PEX1: variants seen among roughly 807,000 people sequenced by gnomAD.
PEX1 encodes the protein peroxisomal ATPase PEX1.
In PEX1, 97 loss-of-function variants were observed where a neutral mutation model predicts 152.5. The ratio of observed to expected loss-of-function variants is 0.64; its 90% CI spans 0.54 to 0.75. The LOEUF (loss-of-function observed/expected upper bound fraction) is 0.75. PEX1 is among the 30% of genes least tolerant of loss of function. The pLI is 0.00. For synonymous variants in PEX1, 485 were observed against 531.6 expected (o/e 0.91, Z 1.21); for missense variants, 1,357 against 1,516.3 (o/e 0.89, Z 1.74).
At chr7:92,491,537 G>T in intron 20 of PEX1, 35 bp from the exon 21 acceptor site, 1 of 1,282,022 alleles carries the variant, frequency 7.8e-7, no homozygotes, top group Non-Finnish European at 1.1e-6. Context: ...GTTTAAAGAT[G>T]TAAACAATTT....
chr7:92,487,667 A>T (rs1791005713), intron 23 of PEX1, 126 bp from the exon 24 acceptor site: 1 of 478,170 alleles, frequency 2.1e-6, no homozygotes, highest in South Asian at 4.0e-5. Flanking sequence ...TAGAAAAAAA[A>T]ATTCCAGTCA....
intron 5 of PEX1, among the ~76,000 whole-genome samples, 187 bp downstream of exon 5, chr7:92,517,089 A>G (rs957558372): frequency 5.3e-5 from 8 of 152,238 alleles, no homozygotes; most frequent in Non-Finnish European, 1.0e-4. Context: ...ACTTGGCCAG[A>G]AAACATACAA....
chr7:92,517,921 T>C lies in PEX1; in HGVS notation c.594A>G (p.Lys198=), dbSNP rs377754178. 6.3e-7 allele frequency: 1 copy of C among 1,580,174 alleles called. No individual in the cohort carries two copies. The change falls in exon 5 of 24, where the codon AAA becomes AAG. Residue 198 remains lysine, a synonymous_variant. Transcript: ENST00000248633. ...TCTGGTCTCTTCCATAACTATGAAGTTTTTTATATTCAGCATCAGCTTTTG... is the reference window on the plus strand; with the variant it reads ...TCTGGTCTCTTCCATAACTATGAAGCTTTTTATATTCAGCATCAGCTTTTG... The part of the protein sequence containing the change: ...TFSKADAEYK[K]LHSYGRDQKG...
chr7:92,520,264 A>T (rs927217998), intron 2 of PEX1, among the ~76,000 whole-genome samples: 3 of 152,166 alleles, frequency 2.0e-5, no homozygotes, highest in Non-Finnish European at 2.9e-5. Flanking sequence ...CCTGGGTAAA[A>T]TATTCCATCT....
chr7:92,507,244 T>TA, intron 9 of PEX1, 118 bp from the exon 10 acceptor site: 1 of 885,874 alleles, frequency 1.1e-6, no homozygotes, highest in South Asian at 1.7e-5. Flanking sequence ...TAATTTTTTA[T>TA]CTTTTTTTTT....
rs1791549435 is a variant in PEX1 at position 92,494,539 on chromosome 7, G to C, written c.2874C>G (p.Asp958Glu). ...GAGTCAGCAACTGGTTAACTACTCG[G>C]TCTGTAACTCCTGTATTATCATGAC... is the stretch of plus-strand genomic sequence containing the variant. ...RRGHDNTGVT[D>E]RVVNQLLTQL... Residue 958 changes from aspartate to glutamate, a missense_variant, in exon 18 of 24, where the codon GAC (aspartate) becomes GAG (glutamate). Coordinates refer to ENST00000248633, the MANE Select transcript of PEX1 (RefSeq NM_000466.3). 6.2e-7 allele frequency: 1 copy of C among 1,613,772 alleles called. No homozygotes were observed. The highest frequency in any genetic ancestry group is 8.5e-7 in the Non-Finnish European group (1 of 1,179,760).
rs1791172694 is a variant in PEX1 at position 92,489,718 on chromosome 7, C to T, written c.3632G>A (p.Ser1211Asn). 2 of 1,612,788 alleles carry T rather than the reference C, an allele frequency of 1.2e-6. No homozygotes were observed. Among genetic ancestry groups the T allele is most frequent in the African/African-American group, 2.7e-5 (2 of 74,908 alleles). The change falls in exon 22 of 24, where the codon AGT becomes AAT. Residue 1211 changes from serine (S) to asparagine (N), a missense_variant. Ser to Asn is a conservative substitution (Grantham distance 46, BLOSUM62 1). Coordinates refer to ENST00000248633, the MANE Select transcript of PEX1 (RefSeq NM_000466.3). ...ATGAGGGGGAAAAAGCCATACTCCA[C>T]TTTGGCTCCGGTATCTGCCTTTGAT... is the stretch of plus-strand genomic sequence containing the variant. ...SIIKGRYRSQ[S>N]GEDESMNQPG...
rs181796768 is a variant in PEX1, at chr7:92,517,626, T to C, written c.889A>G (p.Ile297Val). 14 of 1,614,048 alleles carry C rather than the reference T, an allele frequency of 8.7e-6. No homozygotes were observed. The African/African-American group carries it at 1.6e-4, about 18-fold the overall frequency. ...ACAGAGGTTGCTGACGCGTTATATA[T>C]ACTAGGAGGTTGAGATTTGCATACT... ...FRVCKSQPPS[I>V]YNASATSVFH... Residue 297 changes from isoleucine (I) to valine (V), a missense_variant, in exon 5 of 24, where the codon ATA becomes GTA. Transcript: ENST00000248633.
At position 92,506,754 on chromosome 7, in the gene PEX1, T is replaced by G. The variant is rs888098072; in HGVS notation, c.1803+240A>C. ...AAAAAAGAAAAACCATATAATTGTA[T>G]CAACTGACACAGAAAAAGGGCATGG... On this transcript the variant is annotated intron_variant, in intron 10 of 23. Transcript: ENST00000248633. The G allele has an allele frequency of 2.4e-4, 132 of 556,066 alleles. 2 individuals carry two copies. Among genetic ancestry groups the G allele is most frequent in the Middle Eastern group, 9.7e-4 (2 of 2,062 alleles). 34.4% of individuals were successfully genotyped at this position (556,066 alleles called of 1,614,324 possible). A position where few individuals can be genotyped will look rare whatever the true frequency, so the allele number is the denominator to read the frequency against.
rs200059929 is a variant in PEX1 at position 92,489,824 on chromosome 7, C to A, written c.3526G>T (p.Val1176Leu). 2.0e-4 allele frequency: 317 copies of A among 1,613,984 alleles called. 3 individuals are homozygous for A. Among genetic ancestry groups the A allele is most frequent in the Non-Finnish European group, 5.8e-5 (69 of 1,179,930 alleles). Residue 1176 changes from valine (V) to leucine (L), a missense_variant, in exon 22 of 24, where the codon GTG becomes TTG. By Grantham distance (32) the Val-to-Leu change is conservative. Coordinates refer to ENST00000248633, the MANE Select transcript of PEX1 (RefSeq NM_000466.3). Reference protein sequence around the residue: ...GKDQLFSQPPVLRTASQEGCQ... With the variant: ...GKDQLFSQPPLLRTASQEGCQ... Reference sequence around the variant, plus strand: ...CCCTCTTGTGAAGCTGTCCTTAACACTGGAGGCTGTGAAAACAACTGGTCT... The same window carrying A: ...CCCTCTTGTGAAGCTGTCCTTAACAATGGAGGCTGTGAAAACAACTGGTCT...
Position 92,513,923 on chromosome 7 carries a change from G to A in PEX1, c.1284C>T (p.Ala428=), listed in dbSNP as rs145153467. 1.3e-5 allele frequency: 20 copies of A among 1,591,002 alleles called. No individual in the cohort carries two copies. The highest frequency in any genetic ancestry group is 1.7e-4 in the Middle Eastern group (1 of 6,036). Residue 428 remains alanine (A), a synonymous_variant, in exon 6 of 24, where the codon GCC becomes GCT. Transcript: ENST00000248633. The stretch of plus-strand genomic sequence containing the variant: ...CTTCCACTGGAGTTATCCTGACTAC[G>A]GCATGCATTTCTATATTTAGTCTCT... ...LRKRLNIEMH[A]VVRITPVEVT...
In PEX1 at chr7:92,517,067, C is replaced by G. The variant is rs561500409; in HGVS notation, c.1239+209G>C. Among the ~76,000 whole-genome samples, 22 of 152,330 alleles carry G rather than the reference C, an allele frequency of 1.4e-4. No homozygotes were observed. The South Asian group carries it at 2.3e-3, about 16-fold the overall frequency. On this transcript the variant is annotated intron_variant, in intron 5 of 23. Coordinates refer to ENST00000248633, the MANE Select transcript of PEX1 (RefSeq NM_000466.3). ...GGCCTGAACCTATCTAAGCTTGTACCTATTCAAGCTTACTTGGCCAGAAAA... is the reference window on the plus strand; with the variant it reads ...GGCCTGAACCTATCTAAGCTTGTACGTATTCAAGCTTACTTGGCCAGAAAA...
At chr7:92,510,864 G>A (rs1369223893) in intron 8 of PEX1, 80 bp downstream of exon 8, 1 of 772,226 alleles carries the variant, frequency 1.3e-6, no homozygotes, top group Non-Finnish European at 2.2e-6. Context: ...AATGCAAGGT[G>A]TTACAAGGAA....
chr7:92,516,578 C>T (rs1454105942), intron 5 of PEX1, among the ~76,000 whole-genome samples: 1 of 151,686 alleles, frequency 6.6e-6, no homozygotes. Context: ...ATTCTCTTTC[C>T]TAACAAGTTC....
Position 92,511,676 on chromosome 7 carries a change from T to C in PEX1, c.1387A>G (p.Lys463Glu), listed in dbSNP as rs1792474054. 6.2e-7 allele frequency: 1 copy of C among 1,612,172 alleles called. No homozygotes were observed. Residue 463 changes from lysine to glutamate, a missense_variant, in exon 7 of 24, where the codon AAA (lysine) becomes GAA (glutamate). Lys to Glu is a moderately conservative substitution (Grantham distance 56). Coordinates refer to ENST00000248633, the MANE Select transcript of PEX1 (RefSeq NM_000466.3). ...LPKDISEEDI[K>E]TVFYSWLQQS... ...TGTAGCCATGAATAAAATACAGTTT[T>C]TATGTCTTCTTCACTTATGTCTTTA...
intron 7 of PEX1, among the ~76,000 whole-genome samples, chr7:92,511,378 G>GCCT (rs1792458485): frequency 6.6e-6 from 1 of 152,148 alleles, no homozygotes. Flanking sequence ...GCCTGCCTCG[G>GCCT]CCTCCCAAAG....
At position 92,506,364 on chromosome 7, in the gene PEX1, T is replaced by C; in HGVS notation, c.1804-20A>G. On this transcript the variant is annotated intron_variant, in intron 10 of 23. Transcript: ENST00000248633. ...ACTTCCCTAGAAAATAATTGCTTTA[T>C]AGGAATTCCCAATATATTCAGTCAC... 1 of 1,416,334 alleles carries C rather than the reference T, an allele frequency of 7.1e-7. No individual in the cohort carries two copies. Among genetic ancestry groups the C allele is most frequent in the Non-Finnish European group, 1.0e-6 (1 of 1,000,006 alleles). 87.7% of individuals were successfully genotyped at this position (1,416,334 alleles called of 1,614,324 possible). A position where few individuals can be genotyped will look rare whatever the true frequency, so the allele number is the denominator to read the frequency against.
Position 92,502,090 on chromosome 7 carries a change from A to T in PEX1, c.2227-11T>A, listed in dbSNP as rs760316851. Reference sequence around the variant, plus strand: ...TTCACATCTTTGTTCCTAAAGAAAAAAACACAAAATTCGAATTTCCAATTG... The same window carrying T: ...TTCACATCTTTGTTCCTAAAGAAAATAACACAAAATTCGAATTTCCAATTG... On this transcript the variant is annotated splice_polypyrimidine_tract_variant and intron_variant, in intron 13 of 23. Coordinates refer to ENST00000248633, the MANE Select transcript of PEX1 (RefSeq NM_000466.3). 1.3e-6 allele frequency: 2 copies of T among 1,569,220 alleles called. No homozygotes were observed. Among genetic ancestry groups the T allele is most frequent in the Non-Finnish European group, 1.7e-6 (2 of 1,144,114 alleles).
At chr7:92,522,324 C>A in intron 1 of PEX1, 79 bp from the exon 2 acceptor site, 1 of 1,372,602 alleles carries the variant, frequency 7.3e-7, no homozygotes, top group Non-Finnish European at 1.0e-6. Flanking sequence ...ACTATTATTA[C>A]AATTCACATG....
Sources: gnomAD v4.1 joint callset for allele counts (sites outside exome capture counted in the v4.1 genomes callset) on GRCh38, gnomAD v4.1.1 for gene constraint, MANE v1.5 for transcripts, NCBI Gene and HGNC (gene_info 2026-07-23, HGNC 2026-07-21) for gene names.